Variants in ROBO2 observed in about 807,000 individuals in gnomAD.
The protein encoded by ROBO2 is roundabout guidance receptor 2.
ROBO2 carries 53 observed loss-of-function variants against 160.8 expected under a neutral mutation model. The ratio of observed to expected loss-of-function variants is 0.33; its 90% CI spans 0.26 to 0.41. ROBO2 has a LOEUF of 0.41. Ranked by LOEUF, ROBO2 falls within the 10% of genes least tolerant of loss-of-function variation. The pLI, the probability that ROBO2 is intolerant of heterozygous loss-of-function variation, is 1.00. For missense variants in ROBO2, 1,577 were observed against 1,722.4 expected (o/e 0.92, Z 1.49); for synonymous variants, 664 against 611.7 (o/e 1.09, Z -1.26).
At chr3:76,102,241 A>T (rs2069726269) in intron 2 of ROBO2, among the ~76,000 whole-genome samples, 1 of 152,228 alleles carries the variant, frequency 6.6e-6, no homozygotes, top group Non-Finnish European at 1.5e-5. Flanking sequence ...GGAAACAAGG[A>T]ATGTAAAACA....
intron 2 of ROBO2, among the ~76,000 whole-genome samples, chr3:76,606,447 G>T (rs562197926): frequency 6.6e-6 from 1 of 152,146 alleles, no homozygotes; most frequent in Non-Finnish European, 1.5e-5. Context: ...AAGCCCTGTG[G>T]AATAGAAATA....
intron 2 of ROBO2, among the ~76,000 whole-genome samples, chr3:76,505,747 C>A (rs1305792010): frequency 6.6e-6 from 1 of 152,106 alleles, no homozygotes; most frequent in Non-Finnish European, 1.5e-5. Flanking sequence ...CTGTCAACAC[C>A]TTGATTTCAG....
rs1350713113 is a variant in ROBO2 at position 77,563,398 on chromosome 3, A to G, written c.1682+69A>G. On this transcript the variant is annotated intron_variant, in intron 11 of 25. Transcript: ENST00000461745. ...TCCTTTATTCTAAAATGTCACCTGAACTATCCTGCTGTTTTATTAAAGACA... is the reference window on the plus strand; with the variant it reads ...TCCTTTATTCTAAAATGTCACCTGAGCTATCCTGCTGTTTTATTAAAGACA... The G allele has an allele frequency of 2.1e-6, 3 of 1,419,918 alleles. No homozygotes were observed. The African/African-American group carries it at 4.2e-5, about 20-fold the overall frequency. 88.0% of individuals were successfully genotyped at this position (1,419,918 alleles called of 1,614,324 possible).
chr3:76,945,986 G>A (rs2078514405), intron 2 of ROBO2, among the ~76,000 whole-genome samples: 1 of 152,094 alleles, frequency 6.6e-6, no homozygotes, highest in Admixed American at 6.5e-5. Context: ...CCTTTTAATA[G>A]TTTATTGAAT....
intron 17 of ROBO2, among the ~76,000 whole-genome samples, chr3:77,591,924 A>T (rs934171917): frequency 6.6e-6 from 1 of 152,208 alleles, no homozygotes; most frequent in African/African-American, 2.4e-5. Flanking sequence ...GCTGATCAAA[A>T]CACCAGATAT....
At chr3:76,095,107 T>A (rs2108121394) in intron 2 of ROBO2, among the ~76,000 whole-genome samples, 1 of 152,218 alleles carries the variant, frequency 6.6e-6, no homozygotes, top group East Asian at 1.9e-4. Flanking sequence ...AATTTTGGGC[T>A]GAGTATGGGT....
At chr3:77,366,249 C>T (rs1276829601) in intron 2 of ROBO2, among the ~76,000 whole-genome samples, 2 of 152,142 alleles carry the variant, frequency 1.3e-5, no homozygotes, top group African/African-American at 4.8e-5. Flanking sequence ...TGCATCTTCT[C>T]TGCTACAGAC....
chr3:77,305,308 A>T (rs1292647280), intron 2 of ROBO2, among the ~76,000 whole-genome samples: 1 of 152,232 alleles, frequency 6.6e-6, no homozygotes, highest in Non-Finnish European at 1.5e-5. Context: ...AAGGGATTTC[A>T]ACTGCCCTTT....
intron 2 of ROBO2, among the ~76,000 whole-genome samples, chr3:76,278,279 A>C (rs984732158): frequency 3.3e-5 from 5 of 152,006 alleles, no homozygotes; most frequent in African/African-American, 1.2e-4. Context: ...AATAATAAAG[A>C]GTAGATCCTA....
At chr3:76,644,772 T>C (rs1642150736) in intron 2 of ROBO2, among the ~76,000 whole-genome samples, 1 of 152,206 alleles carries the variant, frequency 6.6e-6, no homozygotes, top group Non-Finnish European at 1.5e-5. Context: ...CATCCACAGC[T>C]GTATAGGGTA....
At chr3:75,961,143 T>C (rs1245966095) in intron 2 of ROBO2, among the ~76,000 whole-genome samples, 1 of 151,688 alleles carries the variant, frequency 6.6e-6, no homozygotes, top group Non-Finnish European at 1.5e-5. Flanking sequence ...CTAGTCTATT[T>C]TGCTTTCTTA....
intron 2 of ROBO2, among the ~76,000 whole-genome samples, chr3:76,685,816 A>G (rs184030430): frequency 1.3e-5 from 2 of 152,278 alleles, no homozygotes; most frequent in African/African-American, 4.8e-5. Flanking sequence ...TGCATCGACA[A>G]TGAATAATAA....
At chr3:77,283,097 A>G (rs1028863555) in intron 2 of ROBO2, among the ~76,000 whole-genome samples, 1 of 152,160 alleles carries the variant, frequency 6.6e-6, no homozygotes, top group Middle Eastern at 3.2e-3. Flanking sequence ...ATTTTCATCC[A>G]TTCTGCAAAT....
chr3:76,083,553 T>G (rs775932483), intron 2 of ROBO2, among the ~76,000 whole-genome samples: 1 of 152,130 alleles, frequency 6.6e-6, no homozygotes, highest in African/African-American at 2.4e-5. Context: ...CATTTTAAAT[T>G]TAAGTGTAGA....
At chr3:77,287,096 GC>G (rs1195450027) in intron 2 of ROBO2, among the ~76,000 whole-genome samples, 1 of 152,128 alleles carries the variant, frequency 6.6e-6, no homozygotes, top group African/African-American at 2.4e-5. Flanking sequence ...GAGTTCATAA[GC>G]CATTGTTTTA....
intron 2 of ROBO2, among the ~76,000 whole-genome samples, chr3:76,584,492 A>G (rs1048135467): frequency 6.6e-6 from 1 of 152,092 alleles, no homozygotes; most frequent in Non-Finnish European, 1.5e-5. Context: ...GGAACCTTGG[A>G]CACAGAAACA....
intron 2 of ROBO2, among the ~76,000 whole-genome samples, chr3:77,125,680 A>C (rs2075252307): frequency 6.6e-6 from 1 of 152,236 alleles, no homozygotes; most frequent in Non-Finnish European, 1.5e-5. Flanking sequence ...TCTTAGATAT[A>C]GAAAAAGTTT....
chr3:77,319,582 G>A (rs2064449125), intron 2 of ROBO2, among the ~76,000 whole-genome samples: 1 of 152,156 alleles, frequency 6.6e-6, no homozygotes, highest in Non-Finnish European at 1.5e-5. Flanking sequence ...CTATGAGTAA[G>A]ACAGCTTCAA....
intron 2 of ROBO2, among the ~76,000 whole-genome samples, chr3:76,905,231 T>A (rs914417860): frequency 1.3e-5 from 2 of 152,108 alleles, no homozygotes; most frequent in South Asian, 4.1e-4. Context: ...TCCTCTCTGC[T>A]CTTCAGTTCC....
Sources: allele counts gnomAD v4.1 joint callset (sites outside exome capture counted in the v4.1 genomes callset), GRCh38; gene constraint gnomAD v4.1.1; transcripts MANE v1.5; gene names NCBI Gene and HGNC (gene_info 2026-07-23, HGNC 2026-07-21).